Variants in FARSB observed in about 807,000 individuals in gnomAD.
FARSB encodes phenylalanyl-tRNA synthetase subunit beta, also known as phenylalanine--tRNA ligase beta subunit.
A neutral mutation model predicts 69.6 loss-of-function variants in FARSB; 40 were observed. That is an observed-to-expected ratio of 0.57 (90% CI 0.45 to 0.75). The LOEUF is 0.75. Among genes scored for constraint, FARSB ranks in the 30% least tolerant of loss-of-function variants. The pLI is 0.00. For missense variants in FARSB, 632 were observed against 722.9 expected (o/e 0.87, Z 1.44); for synonymous variants, 235 against 247.2 (o/e 0.95, Z 0.46).
At chr2:222,583,736 T>C (rs1690032319) in intron 16 of FARSB, among the ~76,000 whole-genome samples, 1 of 152,070 alleles carries the variant, frequency 6.6e-6, no homozygotes, top group African/African-American at 2.4e-5. Flanking sequence ...AGGGTCTGGG[T>C]GGGAGGTAAT....
chr2:222,623,184 G>A (rs1187681262), intron 13 of FARSB, among the ~76,000 whole-genome samples: 1 of 152,134 alleles, frequency 6.6e-6, no homozygotes, highest in Non-Finnish European at 1.5e-5. Context: ...GTCATTTCCT[G>A]ATTTAGGCCT....
rs1005349458 is a variant in FARSB at position 222,646,780 on chromosome 2, T to C, written c.114+1960A>G. ...TAAGTTGCTCAAATTCAGACTTGAC[T>C]TCTTCTGCCGTATGTTTTACCTTTT... On this transcript the variant is annotated intron_variant, in intron 2 of 16. Coordinates refer to ENST00000281828, the MANE Select transcript of FARSB (RefSeq NM_005687.5). 3.2e-4 allele frequency among the ~76,000 whole-genome samples: 48 copies of C among 152,248 alleles called. 1 individual carries two copies. Among genetic ancestry groups the C allele is most frequent in the African/African-American group, 1.1e-3 (45 of 41,470 alleles).
intron 16 of FARSB, among the ~76,000 whole-genome samples, chr2:222,580,840 C>T (rs532871740): frequency 2.2e-4 from 34 of 152,058 alleles, no homozygotes; most frequent in African/African-American, 6.3e-4. Context: ...GAAAGGTGAG[C>T]GACAAAATAT....
intron 15 of FARSB, among the ~76,000 whole-genome samples, chr2:222,606,510 C>A (rs917694156): frequency 6.6e-6 from 1 of 152,134 alleles, no homozygotes; most frequent in African/African-American, 2.4e-5. Context: ...TTTAAATGGG[C>A]CTGGCAAGTA....
At position 222,570,720 on chromosome 2, in the gene FARSB, A is replaced by AT. The variant is rs1689701932; in HGVS notation, c.*1150_*1151insA. The AT allele has an allele frequency of 6.6e-6, 1 of 151,908 alleles. No homozygotes were observed. The highest frequency in any genetic ancestry group is 2.4e-5 in the African/African-American group (1 of 41,332). The allele number at this position is 151,908 out of a possible 1,614,324, so 9.4% of individuals were successfully genotyped here. On this transcript the variant is annotated 3_prime_UTR_variant, in exon 17 of 17. Coordinates refer to ENST00000281828, the MANE Select transcript of FARSB (RefSeq NM_005687.5). ...ATATTTTTAGTGGAGATGGCATTTC[A>AT]CCATGTTGGTCAGGCTGATCTCGAA...
At chr2:222,582,549 C>A (rs1395717401) in intron 16 of FARSB, among the ~76,000 whole-genome samples, 2 of 152,268 alleles carry the variant, frequency 1.3e-5, no homozygotes, top group South Asian at 2.1e-4. Flanking sequence ...TTTTAAGCTG[C>A]TTTCAATAAT....
chr2:222,642,253 G>A (rs1291394467), intron 3 of FARSB, among the ~76,000 whole-genome samples: 1 of 152,144 alleles, frequency 6.6e-6, no homozygotes, highest in Non-Finnish European at 1.5e-5. Context: ...CACCAGCCTC[G>A]GCCTCCCGAA....
chr2:222,578,662 C>T (rs942590054), intron 16 of FARSB, among the ~76,000 whole-genome samples: 1 of 151,806 alleles, frequency 6.6e-6, no homozygotes. Context: ...CATGGTGAAA[C>T]CCCATCTCTA....
chr2:222,615,024 A>C lies in FARSB; in HGVS notation c.1345-1096T>G, dbSNP rs560301819. The stretch of plus-strand genomic sequence containing the variant: ...CAGTTCTAAACTTTTTATTAACTAA[A>C]GCAAATGTGAAAGAAAGCATGTACA... On this transcript the variant is annotated intron_variant, in intron 14 of 16. Coordinates refer to ENST00000281828, the MANE Select transcript of FARSB (RefSeq NM_005687.5). Among the ~76,000 whole-genome samples, 17 of 152,312 alleles carry C rather than the reference A, an allele frequency of 1.1e-4. No homozygotes were observed. The East Asian group carries it at 3.1e-3, about 28-fold the overall frequency.
chr2:222,573,373 C>T (rs1353437142), intron 16 of FARSB, among the ~76,000 whole-genome samples: 2 of 152,166 alleles, frequency 1.3e-5, no homozygotes, highest in Non-Finnish European at 2.9e-5. Flanking sequence ...TCAGTGACTG[C>T]ATTTAACTAT....
At chr2:222,621,691 C>A (rs1691140037) in intron 13 of FARSB, among the ~76,000 whole-genome samples, 1 of 152,100 alleles carries the variant, frequency 6.6e-6, no homozygotes, top group African/African-American at 2.4e-5. Context: ...AACTACTATG[C>A]AGATATAGCA....
chr2:222,635,821 T>A (rs10206590), intron 5 of FARSB, among the ~76,000 whole-genome samples: 13,173 of 152,240 alleles, frequency 0.087, 755 homozygotes, highest in Non-Finnish European at 0.12. Context: ...GGCTCACGCC[T>A]GAAATCTCAA....
intron 5 of FARSB, among the ~76,000 whole-genome samples, chr2:222,635,993 T>C (rs746225445): frequency 6.7e-6 from 1 of 148,712 alleles, no homozygotes; most frequent in Non-Finnish European, 1.5e-5. Flanking sequence ...AGTAGGAGGA[T>C]CACTTGAGCC....
chr2:222,654,239 A>G (rs1306112766), intron 1 of FARSB, among the ~76,000 whole-genome samples: 1 of 152,210 alleles, frequency 6.6e-6, no homozygotes, highest in Admixed American at 6.5e-5. Flanking sequence ...CCAAAACCTT[A>G]AAGTGCAGAC....
chr2:222,602,220 G>A (rs1690579240), intron 15 of FARSB, among the ~76,000 whole-genome samples: 1 of 152,114 alleles, frequency 6.6e-6, no homozygotes, highest in Admixed American at 6.5e-5. Flanking sequence ...AGTTGTCTGG[G>A]ATTAGGTATG....
At chr2:222,631,862 C>T (rs1029182916) in intron 7 of FARSB, among the ~76,000 whole-genome samples, 188 bp from the exon 8 acceptor site, 7 of 152,226 alleles carry the variant, frequency 4.6e-5, no homozygotes. Context: ...CACCTGAGGT[C>T]AGGAGTTCAA....
At chr2:222,639,189 A>C (rs1691654379) in intron 5 of FARSB, among the ~76,000 whole-genome samples, 1 of 152,224 alleles carries the variant, frequency 6.6e-6, no homozygotes, top group Admixed American at 6.5e-5. Context: ...TAAAAATGAT[A>C]TATCATACTT....
At chr2:222,641,436 G>C (rs1391730834) in intron 3 of FARSB, among the ~76,000 whole-genome samples, 1 of 152,150 alleles carries the variant, frequency 6.6e-6, no homozygotes, top group Non-Finnish European at 1.5e-5. Flanking sequence ...CTTATCATAG[G>C]GAGAAGTTGG....
chr2:222,615,898 T>C (rs1172675708), intron 14 of FARSB, among the ~76,000 whole-genome samples: 1 of 152,214 alleles, frequency 6.6e-6, no homozygotes, highest in Non-Finnish European at 1.5e-5. Flanking sequence ...AAAACTACAA[T>C]GTTAAAAGTT....
Sources: allele counts gnomAD v4.1 joint callset (sites outside exome capture counted in the v4.1 genomes callset), GRCh38; gene constraint gnomAD v4.1.1; transcripts MANE v1.5; gene names NCBI Gene and HGNC (gene_info 2026-07-23, HGNC 2026-07-21).